Variants in KIT observed in about 807,000 individuals in gnomAD.
The protein encoded by KIT is KIT proto-oncogene, receptor tyrosine kinase, also known as mast/stem cell growth factor receptor Kit.
A neutral mutation model predicts 105.7 loss-of-function variants in KIT; 16 were observed. That is an observed-to-expected ratio of 0.15 (90% CI 0.10 to 0.23). The LOEUF (loss-of-function observed/expected upper bound fraction) is 0.23. Among genes scored for constraint, KIT ranks in the 10% least tolerant of loss-of-function variants. KIT has a pLI of 1.00. For missense variants in KIT, 858 were observed against 1,213.8 expected (o/e 0.71, Z 4.36); for synonymous variants, 438 against 441.1 (o/e 0.99, Z 0.09).
At chr4:54,732,080 G>A (rs2109797061) in intron 16 of KIT, 82 bp downstream of exon 16, 1 of 1,350,992 alleles carries the variant, frequency 7.4e-7, no homozygotes, top group Non-Finnish European at 1.0e-6. Flanking sequence ...TGAGAACAGA[G>A]CATTTTAGAG....
intron 9 of KIT, among the ~76,000 whole-genome samples, chr4:54,726,965 CA>C (rs1489150240): frequency 1.3e-5 from 2 of 152,088 alleles, no homozygotes; most frequent in African/African-American, 4.8e-5. Context: ...CATTGAAAAA[CA>C]GCATAAATTA....
rs1469004426 is a variant in KIT at position 54,707,233 on chromosome 4, C to T, written c.1061C>T (p.Thr354Ile). The stretch of plus-strand genomic sequence containing the variant: ...CAGCAGTGGATCTATATGAACAGAA[C>T]CTTCACTGATAAATGGGAAGATTAT... ...EHQQWIYMNRTFTDKWEDYPK... is the reference protein window; with the variant it reads ...EHQQWIYMNRIFTDKWEDYPK... Residue 354 changes from threonine (T) to isoleucine (I), a missense_variant, in exon 6 of 21, where the codon ACC becomes ATC. By Grantham distance (89) the Thr-to-Ile change is moderately conservative (BLOSUM62 -1). This residue lies in a region of KIT where 401 missense variants were observed against 601.0 expected (regional missense o/e 0.67). Coordinates refer to ENST00000288135, the MANE Select transcript of KIT (RefSeq NM_000222.3). The T allele has an allele frequency of 1.9e-6, 3 of 1,612,514 alleles. No individual in the cohort carries two copies. The South Asian group carries it at 3.3e-5, about 18-fold the overall frequency.
chr4:54,663,243 G>A (rs6554200), intron 1 of KIT, among the ~76,000 whole-genome samples: 2 of 151,996 alleles, frequency 1.3e-5, no homozygotes, highest in African/African-American at 4.8e-5. Context: ...AAATTGACAC[G>A]CTGGATTTTT....
intron 1 of KIT, among the ~76,000 whole-genome samples, chr4:54,690,065 G>GT (rs1553886416): frequency 7.1e-6 from 1 of 140,358 alleles, no homozygotes; most frequent in Non-Finnish European, 1.6e-5. Flanking sequence ...TTGTGGGGGG[G>GT]GGGGGCTGTG....
chr4:54,677,690 A>G (rs1279932894), intron 1 of KIT, among the ~76,000 whole-genome samples: 1 of 152,154 alleles, frequency 6.6e-6, no homozygotes, highest in Admixed American at 6.6e-5. Flanking sequence ...CCTTTTAGTC[A>G]ATTTACTTTG....
chr4:54,659,526 A>G (rs529915796), intron 1 of KIT, among the ~76,000 whole-genome samples: 96 of 152,288 alleles, frequency 6.3e-4, no homozygotes, highest in Middle Eastern at 3.4e-3. Flanking sequence ...GTTTCTCTAT[A>G]AAGTCTCCAG....
intron 1 of KIT, among the ~76,000 whole-genome samples, chr4:54,683,740 T>C (rs184740953): frequency 2.0e-5 from 3 of 152,286 alleles, no homozygotes; most frequent in Admixed American, 2.0e-4. Flanking sequence ...ACATTTAACA[T>C]GTTCTCTATC....
At chr4:54,703,661 A>G in intron 4 of KIT, 63 bp from the exon 5 acceptor site, 2 of 1,369,388 alleles carry the variant, frequency 1.5e-6, no homozygotes, top group Non-Finnish European at 2.1e-6. Flanking sequence ...TATCTAGGAA[A>G]GATTCTGAAT....
rs183497667 is a variant in KIT, at chr4:54,739,396, C to T, written c.*839C>T. The stretch of plus-strand genomic sequence containing the variant: ...ACCATTTTTTAAGGAAACAATATAA[C>T]CACAAAGCACAGTTTGAACAAAATC... On this transcript the variant is annotated 3_prime_UTR_variant, in exon 21 of 21. Coordinates refer to ENST00000288135, the MANE Select transcript of KIT (RefSeq NM_000222.3). 27 of 233,458 alleles carry T rather than the reference C, an allele frequency of 1.2e-4. No individual in the cohort carries two copies. In the South Asian group the frequency reaches 1.3e-3, roughly 11 times the overall value. The allele number at this position is 233,458 out of a possible 1,614,324, so 14.5% of individuals were successfully genotyped here.
At chr4:54,727,347 T>C (rs1486797164) in intron 10 of KIT, 23 bp downstream of exon 10, 2 of 1,613,398 alleles carry the variant, frequency 1.2e-6, no homozygotes, top group Non-Finnish European at 1.7e-6. Context: ...TTGTTCTCTC[T>C]CCAGAGTGCT....
rs751005114 is a variant in KIT at position 54,731,395 on chromosome 4, G to A, written c.2209G>A (p.Asp737Asn). The change falls in exon 15 of 21, where the codon GAC becomes AAC. Residue 737 changes from aspartate (D) to asparagine (N), a missense_variant. Asp to Asn is a conservative substitution (Grantham distance 23, BLOSUM62 1). This residue lies in a region of KIT where 158 missense variants were observed against 218.7 expected (regional missense o/e 0.72). Transcript: ENST00000288135. ...GVSYVVPTKA[D>N]KRRSVRIGSY... ...TTCTTATGTTGTCCCAACCAAGGCC[G>A]ACAAAAGGAGATCTGTGAGAATAGG... 9 of 1,612,624 alleles carry A rather than the reference G, an allele frequency of 5.6e-6. No individual in the cohort carries two copies. The highest frequency in any genetic ancestry group is 4.4e-5 in the South Asian group (4 of 91,020).
intron 7 of KIT, among the ~76,000 whole-genome samples, chr4:54,720,115 A>AG (rs774933907): frequency 7.2e-5 from 11 of 152,124 alleles, no homozygotes; most frequent in Non-Finnish European, 1.6e-4. Flanking sequence ...GGCTTTGATA[A>AG]GGGTTCCTTA....
chr4:54,739,322 T>G lies in KIT; in HGVS notation c.*765T>G, dbSNP rs1723116221. Reference sequence around the variant, plus strand: ...TACAACCCTGGCATTATGTCCACTGTGTATAGAAGTAGATTAAGAGCCATA... The same window carrying G: ...TACAACCCTGGCATTATGTCCACTGGGTATAGAAGTAGATTAAGAGCCATA... On this transcript the variant is annotated 3_prime_UTR_variant, in exon 21 of 21. Coordinates refer to ENST00000288135, the MANE Select transcript of KIT (RefSeq NM_000222.3). 4.2e-6 allele frequency: 1 copy of G among 236,186 alleles called. No individual in the cohort carries two copies. The highest frequency in any genetic ancestry group is 5.6e-5 in the Admixed American group (1 of 17,860). The allele number at this position is 236,186 out of a possible 1,614,324, so 14.6% of individuals were successfully genotyped here.
chr4:54,738,472 C>A lies in KIT; in HGVS notation c.2846C>A (p.Pro949His), dbSNP rs2109818619. 1.2e-6 allele frequency: 2 copies of A among 1,614,032 alleles called. No homozygotes were observed. Among genetic ancestry groups the A allele is most frequent in the Non-Finnish European group, 8.5e-7 (1 of 1,179,968 alleles). Reference sequence around the variant, plus strand: ...AACTGCAGCCCCAACCGACAGAAGCCCGTGGTAGACCATTCTGTGCGGATC... The same window carrying A: ...AACTGCAGCCCCAACCGACAGAAGCACGTGGTAGACCATTCTGTGCGGATC... The part of the protein sequence containing the change: ...LANCSPNRQK[P>H]VVDHSVRINS... The change falls in exon 21 of 21, where the codon CCC (proline) becomes CAC (histidine). Residue 949 changes from proline to histidine, a missense_variant. Physicochemically the swap from Pro to His is moderately conservative, Grantham distance 77 (BLOSUM62 -2). Transcript: ENST00000288135.
chr4:54,701,705 G>A (rs1293491654), intron 4 of KIT, among the ~76,000 whole-genome samples: 1 of 152,072 alleles, frequency 6.6e-6, no homozygotes, highest in African/African-American at 2.4e-5. Flanking sequence ...GTGGACTCTT[G>A]GGCTCTTGAA....
intron 2 of KIT, among the ~76,000 whole-genome samples, chr4:54,696,727 C>T (rs1028781827): frequency 7.2e-5 from 11 of 152,232 alleles, no homozygotes; most frequent in Non-Finnish European, 1.6e-4. Context: ...CTAACATGCT[C>T]CATCAGGAGC....
intron 14 of KIT, among the ~76,000 whole-genome samples, chr4:54,730,157 T>C (rs1722497151): frequency 6.6e-6 from 1 of 152,196 alleles, no homozygotes; most frequent in Admixed American, 6.6e-5. Flanking sequence ...TTCTCATATC[T>C]TGCCTATTCT....
At position 54,703,807 on chromosome 4, in the gene KIT, G is replaced by A. The variant is rs142772432; in HGVS notation, c.840G>A (p.Ala280=). Residue 280 remains alanine, a synonymous_variant, in exon 5 of 21, where the codon GCG becomes GCA. Coordinates refer to ENST00000288135, the MANE Select transcript of KIT (RefSeq NM_000222.3). ...ERQATLTISS[A]RVNDSGVFMC... ...AGGCAACGTTGACTATCAGTTCAGC[G>A]AGAGTTAATGATTCTGGAGTGTTCA... The A allele has an allele frequency of 3.7e-6, 6 of 1,613,638 alleles. No individual in the cohort carries two copies. Among genetic ancestry groups the A allele is most frequent in the Non-Finnish European group, 4.2e-6 (5 of 1,179,600 alleles).
intron 1 of KIT, among the ~76,000 whole-genome samples, chr4:54,670,114 T>A (rs976394111): frequency 2.0e-5 from 3 of 152,152 alleles, no homozygotes; most frequent in Admixed American, 1.3e-4. Context: ...TAGTGATAGG[T>A]GTCTTCACTT....
Sources: gnomAD v4.1 joint callset for allele counts (sites outside exome capture counted in the v4.1 genomes callset) on GRCh38, gnomAD v4.1.1 for gene constraint, gnomAD v4.1.1 regional missense constraint, MANE v1.5 for transcripts, NCBI Gene and HGNC (gene_info 2026-07-23, HGNC 2026-07-21) for gene names.